The following MLIP variants were observed in gnomAD, a reference collection of about 807,000 sequenced individuals.
MLIP encodes the protein muscular LMNA-interacting protein.
MLIP carries 79 observed loss-of-function variants against 84.8 expected under a neutral mutation model. The ratio of observed to expected loss-of-function variants is 0.93; its 90% confidence interval spans 0.78 to 1.12. MLIP has a LOEUF of 1.12. Among genes scored for constraint, MLIP ranks in the 50% most tolerant of loss-of-function variants. The pLI is 0.00. For missense variants in MLIP, 1,257 were observed against 1,160.6 expected, an observed-to-expected ratio of 1.08 and a Z score of -1.21; for synonymous variants, 504 against 463.0, an observed-to-expected ratio of 1.09 and a Z score of -1.14.
At chr6:54,259,003 C>T in intron 13 of MLIP, among the ~76,000 whole-genome samples, 1 of 148,372 alleles carries the variant, frequency 6.7e-6, no homozygotes, top group South Asian at 2.1e-4. Flanking sequence ...TGATCTAATT[C>T]TTTCTCTTTT....
intron 12 of MLIP, among the ~76,000 whole-genome samples, chr6:54,246,150 A>G (rs1185408508): frequency 6.6e-6 from 1 of 152,140 alleles, no homozygotes; most frequent in East Asian, 1.9e-4. Flanking sequence ...TATGACTGTG[A>G]GGGTGGGCCC....
At chr6:54,079,949 G>A (rs1375457006) in intron 1 of MLIP, among the ~76,000 whole-genome samples, 1 of 152,186 alleles carries the variant, frequency 6.6e-6, no homozygotes, top group Non-Finnish European at 1.5e-5. Context: ...CTGGAGGTTA[G>A]AAAGTTAGTG....
intron 1 of MLIP, among the ~76,000 whole-genome samples, chr6:54,098,119 C>G (rs1316583365): frequency 1.3e-5 from 2 of 148,764 alleles, no homozygotes; most frequent in Admixed American, 1.3e-4. Context: ...AGGAGGATGC[C>G]GAATGTTAAG....
At chr6:54,026,716 TG>T (rs1763824845) in intron 1 of MLIP, among the ~76,000 whole-genome samples, 1 of 66,210 alleles carries the variant, frequency 1.5e-5, no homozygotes, top group African/African-American at 5.7e-5. Flanking sequence ...GTGTCTTCAG[TG>T]TGTGTGTGTG....
At position 54,160,587 on chromosome 6, in the gene MLIP, T is replaced by A. The variant is rs763748491; in HGVS notation, c.2427T>A (p.Asp809Glu). ...LCATIDKVLQ[D>E]SLSMHSSDSP... ...CTACCATTGATAAGGTCTTACAGGA[T>A]TCCTTGTCTATGGTAATGCTTTAGA... is the stretch of plus-strand genomic sequence containing the variant. Residue 809 changes from aspartate (D) to glutamate (E), a missense_variant, in exon 7 of 14, where the codon GAT becomes GAA. Asp to Glu is a conservative substitution (Grantham distance 45). Transcript: ENST00000502396. The A allele has an allele frequency of 3.1e-6, 5 of 1,610,548 alleles. No homozygotes were observed. Among genetic ancestry groups the A allele is most frequent in the Non-Finnish European group, 3.4e-6 (4 of 1,177,514 alleles).
At chr6:54,202,045 T>G (rs1778719108) in intron 10 of MLIP, 60 bp from the exon 11 acceptor site, 1 of 1,198,378 alleles carries the variant, frequency 8.3e-7, no homozygotes, top group Non-Finnish European at 1.1e-6. Context: ...ATAAACATAT[T>G]TGTTCATTTT....
intron 12 of MLIP, among the ~76,000 whole-genome samples, chr6:54,247,540 A>G (rs1248426682): frequency 6.6e-6 from 1 of 152,152 alleles, no homozygotes; most frequent in Non-Finnish European, 1.5e-5. Flanking sequence ...CACTGGGTGT[A>G]CTGACAGTTT....
At chr6:54,085,735 G>A (rs957993631) in intron 1 of MLIP, among the ~76,000 whole-genome samples, 2 of 152,196 alleles carry the variant, frequency 1.3e-5, no homozygotes, top group Non-Finnish European at 2.9e-5. Context: ...TGTGTGAAGA[G>A]CTGCCTACCA....
intron 1 of MLIP, among the ~76,000 whole-genome samples, chr6:54,090,750 G>A (rs1323732170): frequency 1.3e-5 from 2 of 151,762 alleles, no homozygotes; most frequent in Non-Finnish European, 2.9e-5. Flanking sequence ...ATTTTGGCAT[G>A]CATAATTTTA....
intron 12 of MLIP, among the ~76,000 whole-genome samples, chr6:54,246,460 T>C (rs978164580): frequency 1.3e-5 from 2 of 152,168 alleles, no homozygotes; most frequent in Admixed American, 1.3e-4. Context: ...TTTAGTTTGG[T>C]TCATATTGGA....
At chr6:54,227,864 A>C (rs910624493) in intron 11 of MLIP, among the ~76,000 whole-genome samples, 1 of 152,162 alleles carries the variant, frequency 6.6e-6, no homozygotes, top group Non-Finnish European at 1.5e-5. Context: ...GAAAACCAAA[A>C]AAATGTAAGA....
chr6:54,026,664 G>A (rs959727710), intron 1 of MLIP, among the ~76,000 whole-genome samples: 2 of 151,976 alleles, frequency 1.3e-5, no homozygotes, highest in Admixed American at 6.6e-5. Context: ...GTGTGTACAG[G>A]TGTTTAATTC....
At chr6:54,168,012 A>T (rs1322020957) in intron 8 of MLIP, among the ~76,000 whole-genome samples, 2 of 151,894 alleles carry the variant, frequency 1.3e-5, no homozygotes, top group Non-Finnish European at 2.9e-5. Context: ...TTCTCTCTTC[A>T]GGTTCCCATC....
In MLIP at chr6:54,121,474, C is replaced by G. The variant is rs1419644160; in HGVS notation, c.124C>G (p.Pro42Ala). 1 of 1,614,086 alleles carries G rather than the reference C, an allele frequency of 6.2e-7. No homozygotes were observed. Among genetic ancestry groups the G allele is most frequent in the Admixed American group, 1.7e-5 (1 of 60,014 alleles). ...QVSAGGSEAKPLIFTFVPTVR... is the reference protein window; with the variant it reads ...QVSAGGSEAKALIFTFVPTVR... ...CTCTGCTGGTGGTTCTGAAGCCAAACCTCTGATCTTCACATTTGTCCCCAC... is the reference window on the plus strand; with the variant it reads ...CTCTGCTGGTGGTTCTGAAGCCAAAGCTCTGATCTTCACATTTGTCCCCAC... Residue 42 changes from proline (P) to alanine (A), a missense_variant, in exon 2 of 14, where the codon CCT becomes GCT. Coordinates refer to ENST00000502396, the MANE Select transcript of MLIP (RefSeq NM_001281747.2).
chr6:54,206,149 ATAT>A (rs1340642591), intron 11 of MLIP, among the ~76,000 whole-genome samples: 4 of 152,178 alleles, frequency 2.6e-5, no homozygotes, highest in Non-Finnish European at 5.9e-5. Flanking sequence ...TTTGCAAAAT[ATAT>A]TGCTTGTTTT....
intron 9 of MLIP, among the ~76,000 whole-genome samples, chr6:54,174,185 G>A (rs983114769): frequency 1.3e-5 from 2 of 152,004 alleles, no homozygotes; most frequent in African/African-American, 4.8e-5. Context: ...TGTGAACAGT[G>A]CTGTGGCAAA....
chr6:54,039,238 A>G (rs1764610172), intron 1 of MLIP, among the ~76,000 whole-genome samples: 1 of 152,136 alleles, frequency 6.6e-6, no homozygotes, highest in South Asian at 2.1e-4. Context: ...TTTCCTGGGT[A>G]ATGTGCTAGA....
rs1320886382 is a variant in MLIP at position 54,083,387 on chromosome 6, CAGTCCAGAGT to C, written c.64-38059_64-38050del. On this transcript the variant is annotated intron_variant, in intron 1 of 12. Transcript: ENST00000274897. ...GAAATAACAGATGCATTGCTATTTC[CAGTCCAGAGT>C]TGTTGGGGAAGCAGGGAGGAAGGAG... 2.7e-5 allele frequency: 35 copies of C among 1,279,156 alleles called. 1 individual carries two copies. In the Middle Eastern group the frequency reaches 5.3e-3, roughly 195 times the overall value. The allele number at this position is 1,279,156 out of a possible 1,614,324, so 79.2% of individuals were successfully genotyped here. A position where few individuals can be genotyped will look rare whatever the true frequency, so the allele number is the denominator to read the frequency against.
rs530962601 is a variant in MLIP, at chr6:54,056,720, C to G, written c.63+37629C>G. On this transcript the variant is annotated intron_variant, in intron 1 of 12. Transcript: ENST00000274897. ...CACAGCTATTATCCACATCGATGTA[C>G]AATTCCTAGCTCTTTTTAGTGAAAC... is the stretch of plus-strand genomic sequence containing the variant. Among the ~76,000 whole-genome samples, 3 of 152,224 alleles carry G rather than the reference C, an allele frequency of 2.0e-5. No homozygotes were observed. The East Asian group carries it at 5.8e-4, about 29-fold the overall frequency.
Sources: gnomAD v4.1 joint callset for allele counts (sites outside exome capture counted in the v4.1 genomes callset) on GRCh38, gnomAD v4.1.1 for gene constraint, MANE v1.5 for transcripts, NCBI Gene and HGNC (gene_info 2026-07-23, HGNC 2026-07-21) for gene names.